Variants in CDH4 observed in about 807,000 individuals in gnomAD.
CDH4 encodes cadherin 4, also known as cadherin-4.
Under a neutral mutation model 86.0 loss-of-function variants are expected in CDH4, and 33 were observed. The observed-to-expected ratio is 0.38, with a 90% CI of 0.29 to 0.51. CDH4 has a LOEUF of 0.51. Ranked by LOEUF, CDH4 falls within the 20% of genes least tolerant of loss-of-function variation. CDH4 has a pLI of 0.86. For missense variants in CDH4, 1,114 were observed against 1,307.4 expected, an observed-to-expected ratio of 0.85 and a Z score of 2.28; for synonymous variants, 555 against 549.4, an observed-to-expected ratio of 1.01 and a Z score of -0.14.
chr20:61,341,593 A>G (rs1331936127), intron 2 of CDH4, among the ~76,000 whole-genome samples: 1 of 151,340 alleles, frequency 6.6e-6, no homozygotes, highest in African/African-American at 2.4e-5. Flanking sequence ...AGCAGCCTTG[A>G]AAACTGGTAA....
In CDH4 at chr20:61,572,704, C is replaced by A. The variant is rs895441539; in HGVS notation, c.170-170859C>A. 2.0e-5 allele frequency among the ~76,000 whole-genome samples: 3 copies of A among 152,332 alleles called. No individual in the cohort carries two copies. The South Asian group carries it at 6.2e-4, about 32-fold the overall frequency. ...CCACCATCTGGATCAGTTTGCGTCA[C>A]ACAAAAGAGGAGTCCTTCTCAGCTT... On this transcript the variant is annotated intron_variant, in intron 2 of 15. Coordinates refer to ENST00000614565, the MANE Select transcript of CDH4 (RefSeq NM_001794.5).
intron 2 of CDH4, among the ~76,000 whole-genome samples, chr20:61,643,106 T>C (rs2087027874): frequency 6.6e-6 from 1 of 152,178 alleles, no homozygotes; most frequent in African/African-American, 2.4e-5. Flanking sequence ...TTCTTTTAGT[T>C]CTGGAGGCTG....
At chr20:61,839,490 G>A (rs1384423686) in intron 4 of CDH4, among the ~76,000 whole-genome samples, 1 of 151,268 alleles carries the variant, frequency 6.6e-6, no homozygotes, top group African/African-American at 2.4e-5. Context: ...GTGTGTTTGT[G>A]TATATGTGTG....
chr20:61,299,593 C>T (rs768363865), intron 2 of CDH4, among the ~76,000 whole-genome samples: 3 of 152,154 alleles, frequency 2.0e-5, no homozygotes, highest in Non-Finnish European at 2.9e-5. Context: ...GTTACTCCTG[C>T]TAGGGCTGAA....
chr20:61,537,921 G>C (rs1185387187), intron 2 of CDH4, among the ~76,000 whole-genome samples: 1 of 152,216 alleles, frequency 6.6e-6, no homozygotes, highest in Non-Finnish European at 1.5e-5. Flanking sequence ...CCTCTCCGCA[G>C]TGTCTGCATC....
At chr20:61,911,838 G>A (rs929386548) in intron 9 of CDH4, among the ~76,000 whole-genome samples, 8 of 152,192 alleles carry the variant, frequency 5.3e-5, no homozygotes, top group Non-Finnish European at 7.3e-5. Context: ...ATGCCAAAGC[G>A]TAAGGAAAAG....
At chr20:61,607,651 A>C (rs939759772) in intron 2 of CDH4, among the ~76,000 whole-genome samples, 1 of 152,220 alleles carries the variant, frequency 6.6e-6, no homozygotes, top group Admixed American at 6.5e-5. Context: ...AAGAGGAATC[A>C]GCATCATCAA....
At chr20:61,904,531 G>A (rs186701068) in intron 8 of CDH4, among the ~76,000 whole-genome samples, 63 of 152,200 alleles carry the variant, frequency 4.1e-4, no homozygotes, top group Admixed American at 8.5e-4. Context: ...TCGGCATCTC[G>A]GCAGGCACAG....
At chr20:61,932,573 G>A (rs776327883) in intron 13 of CDH4, among the ~76,000 whole-genome samples, 1 of 123,906 alleles carries the variant, frequency 8.1e-6, no homozygotes, top group Non-Finnish European at 1.8e-5. Flanking sequence ...ATGAACACAC[G>A]AGCACACACA....
chr20:61,483,716 G>C (rs1383935786), intron 2 of CDH4, among the ~76,000 whole-genome samples: 1 of 109,046 alleles, frequency 9.2e-6, no homozygotes, highest in Non-Finnish European at 1.7e-5. Flanking sequence ...CACACAAATA[G>C]CCTAAGACCT....
chr20:61,700,015 T>G (rs1384124004), intron 2 of CDH4, among the ~76,000 whole-genome samples: 1 of 152,184 alleles, frequency 6.6e-6, no homozygotes, highest in African/African-American at 2.4e-5. Flanking sequence ...GCGCCGGAGC[T>G]GCAGGTATCC....
intron 2 of CDH4, among the ~76,000 whole-genome samples, chr20:61,276,749 G>T (rs2084233724): frequency 6.6e-6 from 1 of 152,174 alleles, no homozygotes; most frequent in South Asian, 2.1e-4. Context: ...AACTCCACGG[G>T]GTCAGGGGCT....
chr20:61,416,008 C>CTTTT (rs200908333), intron 2 of CDH4, among the ~76,000 whole-genome samples: 2 of 135,450 alleles, frequency 1.5e-5, no homozygotes, highest in African/African-American at 5.6e-5. Flanking sequence ...CCTCTCCTTC[C>CTTTT]TTTTTTTTTT....
chr20:61,658,999 G>A (rs1032564521), intron 2 of CDH4, among the ~76,000 whole-genome samples: 2 of 152,190 alleles, frequency 1.3e-5, no homozygotes, highest in Admixed American at 6.5e-5. Context: ...AGGCCCCCAG[G>A]CTGCTGTGGC....
Position 61,577,653 on chromosome 20 carries a change from G to A in CDH4, c.170-165910G>A, listed in dbSNP as rs531715011. 3.3e-5 allele frequency among the ~76,000 whole-genome samples: 5 copies of A among 152,302 alleles called. No homozygotes were observed. In the East Asian group the frequency reaches 9.6e-4, roughly 29 times the overall value. ...TCCCAGGAAGGATGGGTGGGTTGGT[G>A]GGTGGGCTGTGTGGGGCTACACATT... On this transcript the variant is annotated intron_variant, in intron 2 of 15. Coordinates refer to ENST00000614565, the MANE Select transcript of CDH4 (RefSeq NM_001794.5).
intron 2 of CDH4, among the ~76,000 whole-genome samples, chr20:61,339,458 C>T (rs2084637875): frequency 1.3e-5 from 2 of 152,028 alleles, no homozygotes; most frequent in Admixed American, 6.5e-5. Flanking sequence ...CATGTGCGTG[C>T]ATGTGTGTGT....
rs751989847 is a variant in CDH4 at position 61,933,074 on chromosome 20, C to T, written c.2329C>T (p.Arg777Cys). 2.4e-5 allele frequency: 38 copies of T among 1,613,118 alleles called. No individual in the cohort carries two copies. The highest frequency in any genetic ancestry group is 4.0e-5 in the African/African-American group (3 of 74,932). The part of the protein sequence containing the change: ...QLLIDPEDDV[R>C]DNILKYDEEG... ...GCTCATTGACCCCGAGGACGACGTC[C>T]GCGACAACATCCTCAAGTATGACGA... The change falls in exon 14 of 16, where the codon CGC becomes TGC. Residue 777 changes from arginine to cysteine, a missense_variant. By Grantham distance (180) the Arg-to-Cys change is radical. Coordinates refer to ENST00000614565, the MANE Select transcript of CDH4 (RefSeq NM_001794.5).
At chr20:61,693,494 G>A (rs775282694) in intron 2 of CDH4, among the ~76,000 whole-genome samples, 3 of 152,244 alleles carry the variant, frequency 2.0e-5, no homozygotes, top group Non-Finnish European at 2.9e-5. Flanking sequence ...CCCCAAGGCC[G>A]AAGGCACTGG....
intron 2 of CDH4, among the ~76,000 whole-genome samples, chr20:61,268,270 C>T (rs900931844): frequency 7.2e-5 from 11 of 152,162 alleles, no homozygotes; most frequent in South Asian, 2.1e-4. Flanking sequence ...GGCTCCAGGC[C>T]GAGGAGAGGA....
Sources: allele counts gnomAD v4.1 joint callset (sites outside exome capture counted in the v4.1 genomes callset), GRCh38; gene constraint gnomAD v4.1.1; transcripts MANE v1.5; gene names NCBI Gene and HGNC (gene_info 2026-07-23, HGNC 2026-07-21).